The following CTBP2 variants were observed in gnomAD, a reference collection of about 807,000 sequenced individuals.
CTBP2 encodes C-terminal binding protein 2, also known as C-terminal-binding protein 2.
A neutral mutation model predicts 80.3 loss-of-function variants in CTBP2; 30 were observed. That is an observed-to-expected ratio of 0.37 (90% CI 0.28 to 0.51). CTBP2 has a LOEUF of 0.51. CTBP2 is among the 20% of genes least tolerant of loss of function. CTBP2 has a pLI of 0.93. For missense variants in CTBP2, 1,212 were observed against 1,375.3 expected (o/e 0.88, Z 1.88); for synonymous variants, 594 against 587.4 (o/e 1.01, Z -0.16).
At chr10:125,037,045 C>A (rs575975189) in intron 3 of CTBP2, among the ~76,000 whole-genome samples, 3 of 152,138 alleles carry the variant, frequency 2.0e-5, no homozygotes, top group African/African-American at 7.2e-5. Flanking sequence ...GGCCTGTCTG[C>A]GTTGATAGTT....
At chr10:125,002,899 C>A in intron 3 of CTBP2, 61 bp downstream of exon 5, 1 of 1,590,476 alleles carries the variant, frequency 6.3e-7, no homozygotes, top group Admixed American at 1.7e-5. Flanking sequence ...TCCAAGCCCA[C>A]CCGAGCAGGG....
At chr10:125,041,215 G>A (rs1300709720) in intron 2 of CTBP2, among the ~76,000 whole-genome samples, 1 of 152,152 alleles carries the variant, frequency 6.6e-6, no homozygotes, top group East Asian at 1.9e-4. Context: ...TTAATAGGTG[G>A]TACTACAGGC....
chr10:125,134,124 A>G (rs1371286408), intron 1 of CTBP2, among the ~76,000 whole-genome samples: 2 of 152,254 alleles, frequency 1.3e-5, no homozygotes, highest in Non-Finnish European at 2.9e-5. Context: ...TACTCGCTGC[A>G]TGCTGTTCTG....
At chr10:125,014,946 A>G (rs1159406518) in intron 1 of CTBP2, among the ~76,000 whole-genome samples, 4 of 152,190 alleles carry the variant, frequency 2.6e-5, no homozygotes, top group African/African-American at 9.6e-5. Flanking sequence ...AAAACCAAGA[A>G]AAGTGAGCGT....
At chr10:125,145,612 C>T (rs139121751) in intron 1 of CTBP2, among the ~76,000 whole-genome samples, 194 of 152,226 alleles carry the variant, frequency 1.3e-3, no homozygotes, top group South Asian at 2.3e-3. Context: ...GCACAGTTGA[C>T]GGGAGGATTT....
At chr10:125,139,201 G>T (rs1397989307) in intron 1 of CTBP2, among the ~76,000 whole-genome samples, 1 of 151,826 alleles carries the variant, frequency 6.6e-6, no homozygotes, top group African/African-American at 2.4e-5. Flanking sequence ...GTGAAGCCCT[G>T]TCTCTACTAA....
chr10:125,062,253 T>A (rs928058146), intron 2 of CTBP2, among the ~76,000 whole-genome samples: 3 of 152,098 alleles, frequency 2.0e-5, no homozygotes, highest in African/African-American at 4.8e-5. Context: ...GACACAGGGG[T>A]GCTCTCAAAA....
At chr10:125,099,771 G>A (rs1455773940) in intron 2 of CTBP2, among the ~76,000 whole-genome samples, 1 of 152,170 alleles carries the variant, frequency 6.6e-6, no homozygotes. Flanking sequence ...CTCTTTCTCT[G>A]GACCCATCAC....
chr10:125,055,231 T>C (rs1590371703), intron 2 of CTBP2, among the ~76,000 whole-genome samples: 1 of 152,206 alleles, frequency 6.6e-6, no homozygotes. Context: ...TGTAGGTAAA[T>C]ATTGAAGGCA....
chr10:125,144,167 C>A (rs73379151), intron 1 of CTBP2, among the ~76,000 whole-genome samples: 1 of 152,080 alleles, frequency 6.6e-6, no homozygotes, highest in Admixed American at 6.5e-5. Flanking sequence ...ACCTTTCAAC[C>A]CGGGGGACTC....
chr10:125,052,082 C>G (rs1962914390), intron 2 of CTBP2, among the ~76,000 whole-genome samples: 1 of 152,202 alleles, frequency 6.6e-6, no homozygotes, highest in Non-Finnish European at 1.5e-5. Flanking sequence ...CCCGAGCACG[C>G]CAACACATGC....
At chr10:125,152,921 T>C (rs1860255006) in intron 1 of CTBP2, among the ~76,000 whole-genome samples, 1 of 152,162 alleles carries the variant, frequency 6.6e-6, no homozygotes, top group East Asian at 1.9e-4. Context: ...AGATTATTGG[T>C]CACCCCCCAC....
intron 2 of CTBP2, among the ~76,000 whole-genome samples, chr10:125,082,928 C>T (rs960367207): frequency 6.6e-6 from 1 of 152,124 alleles, no homozygotes; most frequent in African/African-American, 2.4e-5. Context: ...CAGCAGGCCT[C>T]GGCATTACCT....
intron 1 of CTBP2, among the ~76,000 whole-genome samples, chr10:125,017,630 A>G (rs183688077): frequency 1.4e-4 from 21 of 152,336 alleles, no homozygotes; most frequent in Non-Finnish European, 3.1e-4. Context: ...CCATTTAATC[A>G]CACAAAAGAA....
intron 1 of CTBP2, among the ~76,000 whole-genome samples, chr10:125,017,598 T>C (rs771588095): frequency 6.6e-6 from 1 of 152,236 alleles, no homozygotes; most frequent in African/African-American, 2.4e-5. Flanking sequence ...AATCCTCTTA[T>C]GACCAAAGAA....
intron 1 of CTBP2, among the ~76,000 whole-genome samples, chr10:125,135,963 C>A (rs961495810): frequency 1.3e-5 from 2 of 152,354 alleles, no homozygotes; most frequent in South Asian, 2.1e-4. Flanking sequence ...TTCCGGCCCA[C>A]GAGCAGAACA....
chr10:125,150,166 A>C (rs1165455020), intron 1 of CTBP2, among the ~76,000 whole-genome samples: 1 of 152,222 alleles, frequency 6.6e-6, no homozygotes, highest in Non-Finnish European at 1.5e-5. Context: ...TGCCAGAGGC[A>C]ACCAGAGTTG....
intron 2 of CTBP2, among the ~76,000 whole-genome samples, chr10:125,063,263 C>T (rs919887651): frequency 6.6e-6 from 1 of 152,210 alleles, no homozygotes; most frequent in Non-Finnish European, 1.5e-5. Context: ...GATGTGGAAA[C>T]AGCATGGGCG....
At chr10:125,053,780 G>A (rs570272261) in intron 2 of CTBP2, among the ~76,000 whole-genome samples, 4 of 152,256 alleles carry the variant, frequency 2.6e-5, no homozygotes, top group Non-Finnish European at 5.9e-5. Flanking sequence ...AAGGGAAATG[G>A]GAACTTCACT....
Sources: allele counts gnomAD v4.1 joint callset (sites outside exome capture counted in the v4.1 genomes callset), GRCh38; gene constraint gnomAD v4.1.1; transcripts MANE v1.5; gene names NCBI Gene and HGNC (gene_info 2026-07-23, HGNC 2026-07-21).